Variants in DCLK2 observed in about 807,000 individuals in gnomAD.
DCLK2 encodes serine/threonine-protein kinase DCLK2.
DCLK2 carries 31 observed loss-of-function variants against 78.4 expected under a neutral mutation model. The ratio of observed to expected loss-of-function variants is 0.40; its 90% CI spans 0.30 to 0.53. DCLK2 has a LOEUF of 0.53. Among genes scored for constraint, DCLK2 ranks in the 20% least tolerant of loss-of-function variants. The pLI, the probability that DCLK2 is intolerant of heterozygous loss-of-function variation, is 0.61. For missense variants in DCLK2, 872 were observed against 973.7 expected (o/e 0.90, Z 1.39); for synonymous variants, 407 against 374.9 (o/e 1.09, Z -0.99).
chr4:150,134,371 C>T (rs62338185), intron 2 of DCLK2, among the ~76,000 whole-genome samples: 5,734 of 152,234 alleles, frequency 0.038, 154 homozygotes, highest in Non-Finnish European at 0.063. Context: ...CATGAGCCAC[C>T]ATGCCTGGCC....
intron 2 of DCLK2, among the ~76,000 whole-genome samples, chr4:150,110,070 G>C (rs1449811898): frequency 6.6e-6 from 1 of 152,034 alleles, no homozygotes; most frequent in African/African-American, 2.4e-5. Flanking sequence ...CCTTTTAATG[G>C]GAAACTGGAG....
intron 2 of DCLK2, among the ~76,000 whole-genome samples, chr4:150,119,389 A>T (rs946377058): frequency 1.3e-5 from 2 of 152,180 alleles, no homozygotes; most frequent in African/African-American, 4.8e-5. Flanking sequence ...TTACTTGAAG[A>T]GACTCTTAAG....
intron 2 of DCLK2, among the ~76,000 whole-genome samples, chr4:150,116,183 C>T (rs193215491): frequency 1.3e-4 from 20 of 152,296 alleles, no homozygotes; most frequent in Non-Finnish European, 2.6e-4. Context: ...TGTGGGGATG[C>T]AGTCACCCTG....
chr4:150,081,519 A>T (rs368935334), intron 1 of DCLK2, among the ~76,000 whole-genome samples: 17 of 152,036 alleles, frequency 1.1e-4, no homozygotes, highest in African/African-American at 3.9e-4. Flanking sequence ...CACAGCCAAA[A>T]TTTTTTTTAT....
At chr4:150,226,558 T>C (rs1741634489) in intron 8 of DCLK2, among the ~76,000 whole-genome samples, 1 of 152,052 alleles carries the variant, frequency 6.6e-6, no homozygotes, top group South Asian at 2.1e-4. Flanking sequence ...GGTAAGGATA[T>C]GGTTTACGTG....
intron 4 of DCLK2, among the ~76,000 whole-genome samples, chr4:150,200,134 C>G (rs1039676476): frequency 6.6e-6 from 1 of 152,242 alleles, no homozygotes; most frequent in Non-Finnish European, 1.5e-5. Flanking sequence ...AAACATGTCT[C>G]ATAGCCACAT....
chr4:150,155,434 GA>G (rs1366781745), intron 2 of DCLK2, among the ~76,000 whole-genome samples: 1 of 152,194 alleles, frequency 6.6e-6, no homozygotes, highest in African/African-American at 2.4e-5. Context: ...TGTGTTTCAA[GA>G]GGTTCGGTTT....
intron 2 of DCLK2, among the ~76,000 whole-genome samples, chr4:150,104,086 A>G (rs1731067143): frequency 6.6e-6 from 1 of 152,098 alleles, no homozygotes; most frequent in Non-Finnish European, 1.5e-5. Flanking sequence ...AATTTAAGAT[A>G]CCTAACCAAA....
At position 150,232,673 on chromosome 4, in the gene DCLK2, A is replaced by G. The variant is rs1236194545; in HGVS notation, c.1420-9A>G. 1.9e-6 allele frequency: 3 copies of G among 1,613,040 alleles called. No individual in the cohort carries two copies. The East Asian group carries it at 6.7e-5, about 36-fold the overall frequency. On this transcript the variant is annotated splice_polypyrimidine_tract_variant and intron_variant, in intron 9 of 15. Transcript: ENST00000296550. ...GATGCTTTGATATGTTCTTTTATGT[A>G]TCGTTTAGGGTGGAGATCTCTTTGA...
intron 2 of DCLK2, among the ~76,000 whole-genome samples, chr4:150,171,206 C>T (rs1287791664): frequency 3.3e-5 from 5 of 152,164 alleles, no homozygotes; most frequent in African/African-American, 9.7e-5. Context: ...GTTGGCTGGG[C>T]GCGGTGGCTC....
At chr4:150,179,899 G>A (rs1737379423) in intron 2 of DCLK2, among the ~76,000 whole-genome samples, 1 of 152,044 alleles carries the variant, frequency 6.6e-6, no homozygotes, top group Non-Finnish European at 1.5e-5. Context: ...TAAGGTATGG[G>A]AGATTGGCCT....
chr4:150,150,314 T>C (rs1002705609), intron 2 of DCLK2, among the ~76,000 whole-genome samples: 8 of 152,172 alleles, frequency 5.3e-5, no homozygotes, highest in African/African-American at 1.4e-4. Flanking sequence ...TGATGTCTGG[T>C]GCAGCATTTA....
chr4:150,160,037 C>T (rs78723939), intron 2 of DCLK2, among the ~76,000 whole-genome samples: 3,157 of 149,620 alleles, frequency 0.021, 110 homozygotes, highest in African/African-American at 0.073. Context: ...GTGTGTGAGA[C>T]GGGGTCTTAG....
chr4:150,200,291 A>G (rs752360359), intron 4 of DCLK2, among the ~76,000 whole-genome samples: 48 of 152,238 alleles, frequency 3.2e-4, no homozygotes, highest in Non-Finnish European at 5.4e-4. Flanking sequence ...GATTTGAGTT[A>G]ATAGAGTAAG....
intron 2 of DCLK2, among the ~76,000 whole-genome samples, chr4:150,109,589 G>A (rs958772611): frequency 6.6e-6 from 1 of 152,028 alleles, no homozygotes; most frequent in African/African-American, 2.4e-5. Context: ...CGCCCGCCTC[G>A]GCCTCCCAAA....
chr4:150,230,731 G>T (rs1201745288), intron 8 of DCLK2, among the ~76,000 whole-genome samples: 1 of 152,202 alleles, frequency 6.6e-6, no homozygotes, highest in East Asian at 1.9e-4. Flanking sequence ...TGAGGGGCTG[G>T]CTGTACAGCT....
intron 2 of DCLK2, among the ~76,000 whole-genome samples, chr4:150,171,834 C>T (rs1188900682): frequency 6.6e-6 from 1 of 152,188 alleles, no homozygotes; most frequent in Non-Finnish European, 1.5e-5. Context: ...TACTTGAATC[C>T]CTCACACTGG....
chr4:150,147,584 C>T (rs996474613), intron 2 of DCLK2, among the ~76,000 whole-genome samples: 8 of 152,188 alleles, frequency 5.3e-5, no homozygotes, highest in Admixed American at 2.6e-4. Context: ...CTGACCTAAT[C>T]GTGACCACTG....
Position 150,253,503 on chromosome 4 carries a change from G to C in DCLK2, c.2074-2517G>C, listed in dbSNP as rs1009029227. 13 of 1,289,674 alleles carry C rather than the reference G, an allele frequency of 1.0e-5. No individual in the cohort carries two copies. In the African/African-American group the frequency reaches 1.8e-4, roughly 18 times the overall value. The allele number at this position is 1,289,674 out of a possible 1,614,324, so 79.9% of individuals were successfully genotyped here. ...ATTTGACAGTTTGAGAGGCACCTCA[G>C]AGTTTCCTTCTTTACCCCGCTGAGA... On this transcript the variant is annotated intron_variant, in intron 15 of 15. Transcript: ENST00000296550.
Sources: gnomAD v4.1 joint callset for allele counts (sites outside exome capture counted in the v4.1 genomes callset) on GRCh38, gnomAD v4.1.1 for gene constraint, MANE v1.5 for transcripts, NCBI Gene and HGNC (gene_info 2026-07-23, HGNC 2026-07-21) for gene names.